The following AGBL4 variants were observed in gnomAD, a reference collection of about 807,000 sequenced individuals.
AGBL4 encodes the protein cytosolic carboxypeptidase 6.
In AGBL4, 58 loss-of-function variants were observed where a neutral mutation model predicts 66.4. The ratio of observed to expected loss-of-function variants is 0.87; its 90% CI spans 0.71 to 1.09. The LOEUF is 1.09. AGBL4 is among the 50% of genes least tolerant of loss of function. AGBL4 has a pLI of 0.00. For synonymous variants in AGBL4, 234 were observed against 222.9 expected, an observed-to-expected ratio of 1.05 and a Z score of -0.44; for missense variants, 579 against 631.0, an observed-to-expected ratio of 0.92 and a Z score of 0.88.
At position 49,938,150 on chromosome 1, in the gene AGBL4, A is replaced by G. The variant is rs1360577139; in HGVS notation, c.34+85613T>C. Among the ~76,000 whole-genome samples the G allele has an allele frequency of 1.3e-5, 2 of 151,586 alleles. 1 individual carries two copies. Among genetic ancestry groups the G allele is most frequent in the African/African-American group, 4.9e-5 (2 of 41,066 alleles). ...AAGAATCAAATAGATGCAATAAAAA[A>G]TGATAAAGGGGATATCACCACCAAT... On this transcript the variant is annotated intron_variant, in intron 1 of 13. Transcript: ENST00000371839.
intron 3 of AGBL4, among the ~76,000 whole-genome samples, chr1:49,415,854 CA>C (rs1444588740): frequency 6.6e-6 from 1 of 152,006 alleles, no homozygotes; most frequent in East Asian, 1.9e-4. Context: ...GAAGTAGAAT[CA>C]ACATTCAAAA....
chr1:49,847,892 G>A (rs906535108), intron 2 of AGBL4, among the ~76,000 whole-genome samples: 35 of 152,032 alleles, frequency 2.3e-4, no homozygotes, highest in African/African-American at 7.7e-4. Flanking sequence ...TAGTACAGAC[G>A]GGGTTTCACC....
intron 6 of AGBL4, among the ~76,000 whole-genome samples, chr1:48,712,827 CATA>C (rs1258969250): frequency 6.6e-6 from 1 of 152,212 alleles, no homozygotes; most frequent in Non-Finnish European, 1.5e-5. Flanking sequence ...AATCCAATTA[CATA>C]GTTGTGGCCC....
At chr1:49,672,273 G>C (rs991059081) in intron 3 of AGBL4, among the ~76,000 whole-genome samples, 7 of 151,322 alleles carry the variant, frequency 4.6e-5, no homozygotes, top group Non-Finnish European at 4.4e-5. Context: ...TTATAAGTGA[G>C]AGCTAAATGA....
chr1:49,287,300 TG>T (rs1179857899), intron 3 of AGBL4, among the ~76,000 whole-genome samples: 3 of 143,146 alleles, frequency 2.1e-5, no homozygotes, highest in African/African-American at 7.8e-5. Context: ...GACATAGGCA[TG>T]GGCAAGGACT....
chr1:49,664,559 T>C (rs1315856705), intron 3 of AGBL4, among the ~76,000 whole-genome samples: 11 of 152,208 alleles, frequency 7.2e-5, no homozygotes, highest in Admixed American at 6.5e-4. Flanking sequence ...TTACTAGTAA[T>C]AAAGCATCAG....
At chr1:49,702,416 G>A (rs189771534) in intron 2 of AGBL4, among the ~76,000 whole-genome samples, 16 of 152,100 alleles carry the variant, frequency 1.1e-4, no homozygotes, top group African/African-American at 3.6e-4. Context: ...ACTTGATCCC[G>A]GGAGGCAGAG....
At chr1:48,761,644 T>C (rs1389877367) in intron 6 of AGBL4, among the ~76,000 whole-genome samples, 5 of 152,226 alleles carry the variant, frequency 3.3e-5, no homozygotes, top group Admixed American at 6.5e-5. Context: ...CTAATAGCAG[T>C]GCAGATCTAG....
At chr1:49,021,158 C>T (rs1462098461) in intron 5 of AGBL4, among the ~76,000 whole-genome samples, 1 of 152,178 alleles carries the variant, frequency 6.6e-6, no homozygotes, top group East Asian at 1.9e-4. Flanking sequence ...ATTTTGAAGT[C>T]AGACGGATCT....
intron 6 of AGBL4, among the ~76,000 whole-genome samples, chr1:48,816,234 G>C (rs1646174945): frequency 6.6e-6 from 1 of 152,116 alleles, no homozygotes; most frequent in South Asian, 2.1e-4. Flanking sequence ...GTGGTTAGCT[G>C]GGGAGAAGGT....
At chr1:48,989,616 GAACA>G (rs1008679860) in intron 5 of AGBL4, among the ~76,000 whole-genome samples, 3 of 152,216 alleles carry the variant, frequency 2.0e-5, no homozygotes, top group South Asian at 2.1e-4. Context: ...AAATAAGTGA[GAACA>G]AACAAAGTTT....
At chr1:49,007,765 T>C (rs1661986819) in intron 5 of AGBL4, among the ~76,000 whole-genome samples, 1 of 151,640 alleles carries the variant, frequency 6.6e-6, no homozygotes, top group Admixed American at 6.6e-5. Context: ...GAATTTCATA[T>C]CCAGCCAAAC....
chr1:49,638,779 CCT>C (rs1391971324), intron 3 of AGBL4, among the ~76,000 whole-genome samples: 4 of 152,264 alleles, frequency 2.6e-5, no homozygotes, highest in African/African-American at 9.6e-5. Flanking sequence ...GTCCACTAAA[CCT>C]CTGTTTTTTG....
At chr1:48,899,421 GT>G (rs113628909) in intron 5 of AGBL4, among the ~76,000 whole-genome samples, 3,023 of 149,088 alleles carry the variant, frequency 0.02, 107 homozygotes, top group African/African-American at 0.07. Context: ...TAAGTTAATA[GT>G]TTTTTTTTTT....
chr1:49,821,154 A>G (rs555069450), intron 2 of AGBL4, among the ~76,000 whole-genome samples: 1 of 152,350 alleles, frequency 6.6e-6, no homozygotes, highest in South Asian at 2.1e-4. Flanking sequence ...TGCTTTTAAA[A>G]GGAATAGGTA....
intron 3 of AGBL4, among the ~76,000 whole-genome samples, chr1:49,377,498 A>T (rs1644496297): frequency 6.6e-6 from 1 of 152,078 alleles, no homozygotes; most frequent in Non-Finnish European, 1.5e-5. Context: ...TGCTTTTAAC[A>T]CAGGGAAGAA....
chr1:49,177,833 T>C (rs1047533320), intron 4 of AGBL4, among the ~76,000 whole-genome samples: 6 of 152,132 alleles, frequency 3.9e-5, no homozygotes, highest in African/African-American at 1.2e-4. Context: ...AATTCAGTTA[T>C]CACTGAGATG....
chr1:48,632,053 G>T lies in AGBL4; in HGVS notation c.951+2440C>A, dbSNP rs1293735689. On this transcript the variant is annotated intron_variant, in intron 9 of 13. Transcript: ENST00000371839. ...AGTAGAACCTCAGTGCACATAGAAA[G>T]CCCATATATAAATAAATAGAGAAGA... Among the ~76,000 whole-genome samples, 7 of 152,182 alleles carry T rather than the reference G, an allele frequency of 4.6e-5. No individual in the cohort carries two copies. The South Asian group carries it at 1.0e-3, about 23-fold the overall frequency.
intron 12 of AGBL4, among the ~76,000 whole-genome samples, chr1:48,537,489 T>G (rs1221918234): frequency 6.6e-6 from 1 of 152,096 alleles, no homozygotes; most frequent in Non-Finnish European, 1.5e-5. Context: ...CTCCACGAAC[T>G]CTTCACTGGT....
Sources: allele counts gnomAD v4.1 joint callset (sites outside exome capture counted in the v4.1 genomes callset), GRCh38; gene constraint gnomAD v4.1.1; transcripts MANE v1.5; gene names NCBI Gene and HGNC (gene_info 2026-07-23, HGNC 2026-07-21).